VWA2: variants seen among roughly 807,000 people sequenced by gnomAD.
VWA2 encodes von Willebrand factor A domain-containing protein 2.
Under a neutral mutation model 70.4 loss-of-function variants are expected in VWA2, and 73 were observed. The ratio of observed to expected loss-of-function variants is 1.04; its 90% CI spans 0.86 to 1.26. VWA2 has a LOEUF of 1.26. VWA2 is among the 50% of genes most tolerant of loss of function. The pLI, the probability that VWA2 is intolerant of heterozygous loss-of-function variation, is 0.00. For synonymous variants in VWA2, 407 were observed against 423.3 expected (o/e 0.96, Z 0.47); for missense variants, 1,011 against 998.5 (o/e 1.01, Z -0.17).
In VWA2 at chr10:114,290,429, C is replaced by T. The variant is rs535577495; in HGVS notation, c.2248+64C>T. 5.9e-6 allele frequency: 9 copies of T among 1,536,042 alleles called. No individual in the cohort carries two copies. The East Asian group carries it at 2.0e-4, about 34-fold the overall frequency. On this transcript the variant is annotated intron_variant, in intron 13 of 13. Coordinates refer to ENST00000392982, the MANE Select transcript of VWA2 (RefSeq NM_001272046.2). ...TGGTATTGCGAGTCCTGCCAAGTCC[C>T]ACAAACTCAGCTGAAGGCAGGTTCT...
intron 9 of VWA2, among the ~76,000 whole-genome samples, chr10:114,284,451 C>G (rs887872690): frequency 6.6e-6 from 1 of 152,154 alleles, no homozygotes; most frequent in African/African-American, 2.4e-5. Context: ...CTGCAGGATC[C>G]GAAGGCTGGT....
intron 1 of VWA2, among the ~76,000 whole-genome samples, chr10:114,243,348 C>T (rs1470491945): frequency 6.6e-6 from 1 of 152,122 alleles, no homozygotes; most frequent in Admixed American, 6.5e-5. Context: ...CGTGACTTTC[C>T]CCAGGCAGCT....
chr10:114,239,917 A>G (rs1283077593), intron 1 of VWA2, among the ~76,000 whole-genome samples: 1 of 152,030 alleles, frequency 6.6e-6, no homozygotes, highest in East Asian at 1.9e-4. Context: ...GAGGGCATGT[A>G]TTAAACCCAA....
intron 1 of VWA2, among the ~76,000 whole-genome samples, chr10:114,247,319 T>C (rs891228492): frequency 6.6e-6 from 1 of 152,074 alleles, no homozygotes; most frequent in African/African-American, 2.4e-5. Flanking sequence ...ACCACTTATC[T>C]CCCATATGAG....
chr10:114,258,828 G>A (rs1388306214), intron 4 of VWA2, among the ~76,000 whole-genome samples: 2 of 152,102 alleles, frequency 1.3e-5, no homozygotes, highest in East Asian at 1.9e-4. Context: ...TACACAAAGC[G>A]TAGCCTACCG....
intron 8 of VWA2, among the ~76,000 whole-genome samples, 194 bp from the exon 9 acceptor site, chr10:114,282,322 C>A (rs563493752): frequency 2.6e-5 from 4 of 152,174 alleles, no homozygotes; most frequent in African/African-American, 7.2e-5. Flanking sequence ...TTAATTGTCA[C>A]TGGATAGTTT....
rs1260401658 is a variant in VWA2, at chr10:114,284,966, CTG to C, written c.996_997del (p.Ala333ProfsTer72). 2 of 1,596,148 alleles carry C rather than the reference CTG, an allele frequency of 1.3e-6. No homozygotes were observed. Among genetic ancestry groups the C allele is most frequent in the East Asian group, 4.6e-5 (2 of 43,498 alleles). On this transcript the variant is annotated frameshift_variant and splice_region_variant, in exon 10 of 14. Transcript: ENST00000392982. LOFTEE classifies it high-confidence loss of function. ...CGCTGGCCTTTGGAGGGGAGGCTAA[CTG>C]TGGTAGGTATGCACCGGCCCTGCAA... ...CPLAFGGEAN[C>X]ALKLSLECRV...
chr10:114,291,138 G>A, intron 13 of VWA2, 80 bp from the exon 14 acceptor site: 3 of 1,505,186 alleles, frequency 2.0e-6, no homozygotes. Flanking sequence ...AGCAGGACCT[G>A]AAGGGGTCCT....
rs1022293003 is a variant in VWA2 at position 114,244,783 on chromosome 10, C to T, written c.-10-3921C>T. The stretch of plus-strand genomic sequence containing the variant: ...CAATACTTCAACATCATCGCAATAG[C>T]GTTCATTTCATTAATCTTGGTATAA... On this transcript the variant is annotated intron_variant, in intron 1 of 13. Coordinates refer to ENST00000392982, the MANE Select transcript of VWA2 (RefSeq NM_001272046.2). Among the ~76,000 whole-genome samples, 4 of 152,350 alleles carry T rather than the reference C, an allele frequency of 2.6e-5. No homozygotes were observed. The South Asian group carries it at 6.2e-4, about 24-fold the overall frequency.
intron 4 of VWA2, among the ~76,000 whole-genome samples, chr10:114,260,786 T>C (rs563043336): frequency 6.6e-6 from 1 of 152,324 alleles, no homozygotes; most frequent in Admixed American, 6.5e-5. Flanking sequence ...TGGGTGTTAA[T>C]AGTGCCTCTG....
chr10:114,265,313 G>A (rs1012647926), intron 5 of VWA2, among the ~76,000 whole-genome samples: 2 of 152,090 alleles, frequency 1.3e-5, no homozygotes, highest in African/African-American at 2.4e-5. Flanking sequence ...ATGCATTTTC[G>A]GAGGAAAAGG....
chr10:114,278,240 C>T (rs755653477), intron 7 of VWA2, among the ~76,000 whole-genome samples, 193 bp downstream of exon 7: 1 of 152,148 alleles, frequency 6.6e-6, no homozygotes, highest in Non-Finnish European at 1.5e-5. Context: ...CTGGGAGCCC[C>T]GAGCTTGTCT....
chr10:114,248,282 A>T (rs1160401911), intron 1 of VWA2, among the ~76,000 whole-genome samples: 5 of 152,146 alleles, frequency 3.3e-5, no homozygotes, highest in Non-Finnish European at 5.9e-5. Context: ...TGAAAATCAG[A>T]TCTTCAGCCT....
chr10:114,269,885 G>C (rs997189641), intron 5 of VWA2, among the ~76,000 whole-genome samples: 1 of 152,186 alleles, frequency 6.6e-6, no homozygotes, highest in African/African-American at 2.4e-5. Flanking sequence ...GTGGGTAGAG[G>C]AGCAGGTTGC....
chr10:114,251,217 G>C (rs560195235), intron 2 of VWA2, among the ~76,000 whole-genome samples: 2 of 152,360 alleles, frequency 1.3e-5, no homozygotes, highest in East Asian at 1.9e-4. Flanking sequence ...TCTTTAGAGG[G>C]GGCTGCCGAC....
In VWA2 at chr10:114,291,619, A is replaced by T. The variant is rs77934399; in HGVS notation, c.*382A>T. The T allele has an allele frequency of 0.012, 2,446 of 206,722 alleles. 122 individuals carry two copies. The highest frequency in any genetic ancestry group is 0.11 in the Admixed American group (2,097 of 19,162). The allele number at this position is 206,722 out of a possible 1,614,324, so 12.8% of individuals were successfully genotyped here. A position where few individuals can be genotyped will look rare whatever the true frequency, so the allele number is the denominator to read the frequency against. ...GCGGCCTGACGTTCCTTTGCACACA[A>T]TCAATGCTCGCCAGAATGTTGTTGA... is the stretch of plus-strand genomic sequence containing the variant. On this transcript the variant is annotated 3_prime_UTR_variant, in exon 14 of 14. Coordinates refer to ENST00000392982, the MANE Select transcript of VWA2 (RefSeq NM_001272046.2).
intron 2 of VWA2, among the ~76,000 whole-genome samples, chr10:114,250,788 G>T (rs190593641): frequency 1.2e-4 from 18 of 152,318 alleles, no homozygotes; most frequent in African/African-American, 4.1e-4. Context: ...TGTGTTTGGG[G>T]CCAGGGCCTG....
At chr10:114,280,242 A>G (rs540609) in intron 8 of VWA2, among the ~76,000 whole-genome samples, 37,412 of 152,126 alleles carry the variant, frequency 0.25, 4,925 homozygotes, top group Admixed American at 0.3. Flanking sequence ...ATACCCACTG[A>G]GGGCCTCCTG....
chr10:114,287,945 C>T (rs752351876), intron 11 of VWA2, among the ~76,000 whole-genome samples: 9 of 152,142 alleles, frequency 5.9e-5, no homozygotes, highest in Non-Finnish European at 8.8e-5. Context: ...TGTAGTCAGC[C>T]GCCTTCCCCG....
Sources: allele counts gnomAD v4.1 joint callset (sites outside exome capture counted in the v4.1 genomes callset), GRCh38; gene constraint gnomAD v4.1.1; transcripts MANE v1.5; gene names NCBI Gene and HGNC (gene_info 2026-07-23, HGNC 2026-07-21).